BBS5: variants seen among roughly 807,000 people sequenced by gnomAD.
The protein encoded by BBS5 is BBSome complex member BBS5.
BBS5 carries 39 observed loss-of-function variants against 50.2 expected under a neutral mutation model. The observed-to-expected ratio is 0.78, with a 90% CI of 0.60 to 1.01. BBS5 has a LOEUF of 1.01. Among genes scored for constraint, BBS5 ranks in the 50% least tolerant of loss-of-function variants. BBS5 has a pLI of 0.00. For missense variants in BBS5, 356 were observed against 401.5 expected, an observed-to-expected ratio of 0.89 and a Z score of 0.97; for synonymous variants, 134 against 133.1, an observed-to-expected ratio of 1.01 and a Z score of -0.05.
At chr2:169,500,516 T>A (rs1375595093) in intron 9 of BBS5, among the ~76,000 whole-genome samples, 3 of 152,238 alleles carry the variant, frequency 2.0e-5, no homozygotes, top group Admixed American at 2.0e-4. Context: ...GTTCTTTTAC[T>A]GGCACCCTCA....
intron 1 of BBS5, among the ~76,000 whole-genome samples, chr2:169,481,254 T>G (rs1193408355): frequency 6.6e-6 from 1 of 152,188 alleles, no homozygotes; most frequent in African/African-American, 2.4e-5. Flanking sequence ...GTGAAGTCCT[T>G]GAAGAAGAAT....
At chr2:169,481,313 G>A (rs16856977) in intron 1 of BBS5, among the ~76,000 whole-genome samples, 1 of 152,194 alleles carries the variant, frequency 6.6e-6, no homozygotes, top group African/African-American at 2.4e-5. Flanking sequence ...GCAGAGCCTT[G>A]TCAGGGTAGA....
intron 1 of BBS5, among the ~76,000 whole-genome samples, chr2:169,480,347 G>A (rs1683367355): frequency 6.6e-6 from 1 of 152,152 alleles, no homozygotes; most frequent in Non-Finnish European, 1.5e-5. Flanking sequence ...ACTAAGTGTT[G>A]AGAAACGCTA....
chr2:169,504,160 T>C (rs374085442), intron 10 of BBS5, 143 bp from the exon 11 acceptor site: 24 of 755,576 alleles, frequency 3.2e-5, no homozygotes, highest in East Asian at 2.3e-4. Context: ...ATTGTAGAGA[T>C]AGGTGAAAAA....
intron 9 of BBS5, 131 bp downstream of exon 9, chr2:169,499,751 AG>A (rs1454929088): frequency 3.3e-5 from 31 of 929,858 alleles, no homozygotes; most frequent in Middle Eastern, 3.1e-4. Context: ...ATTCTGCTCA[AG>A]TGGGCATAGC....
chr2:169,490,503 A>C (rs977862922), intron 5 of BBS5, among the ~76,000 whole-genome samples: 1 of 152,192 alleles, frequency 6.6e-6, no homozygotes, highest in Admixed American at 6.5e-5. Flanking sequence ...GGCGTGAGCC[A>C]CCGCACCCAG....
At chr2:169,486,301 A>C (rs1412705706) in intron 2 of BBS5, among the ~76,000 whole-genome samples, 1 of 152,278 alleles carries the variant, frequency 6.6e-6, no homozygotes, top group African/African-American at 2.4e-5. Flanking sequence ...GTGTTTAAAC[A>C]AAGTGAGTCT....
chr2:169,505,505 GT>G lies in BBS5; in HGVS notation c.*924del, dbSNP rs1222494364. ...GCCCGGCCGCCATCCCATCTAGGAA[GT>G]GAGGAGCGCCTCTTCCCACCCGCCA... On this transcript the variant is annotated 3_prime_UTR_variant, in exon 12 of 12. Coordinates refer to ENST00000295240, the MANE Select transcript of BBS5 (RefSeq NM_152384.3). 3.5e-6 allele frequency: 1 copy of G among 289,306 alleles called. No homozygotes were observed. The highest frequency in any genetic ancestry group is 2.3e-5 in the African/African-American group (1 of 43,178). 17.9% of individuals were successfully genotyped at this position (289,306 alleles called of 1,614,324 possible).
intron 3 of BBS5, 39 bp downstream of exon 3, chr2:169,487,173 C>G (rs769712941): frequency 7.0e-7 from 1 of 1,435,154 alleles, no homozygotes; most frequent in South Asian, 1.1e-5. Flanking sequence ...GAAAAAAAAT[C>G]CTTTGTCAGG....
chr2:169,496,022 G>A (rs1425746556), intron 7 of BBS5, among the ~76,000 whole-genome samples: 9 of 152,152 alleles, frequency 5.9e-5, no homozygotes, highest in African/African-American at 1.4e-4. Flanking sequence ...CCAGGTTTTC[G>A]TAACAATTAT....
intron 7 of BBS5, among the ~76,000 whole-genome samples, chr2:169,494,452 T>G (rs1044028438): frequency 5.9e-5 from 9 of 152,052 alleles, no homozygotes; most frequent in Admixed American, 6.6e-5. Flanking sequence ...CATGGTGGCT[T>G]ATTCCTGTAA....
Position 169,504,309 on chromosome 2 carries a change from T to G in BBS5, c.907T>G (p.Phe303Val). 1.2e-6 allele frequency: 2 copies of G among 1,613,198 alleles called. No homozygotes were observed. The highest frequency in any genetic ancestry group is 1.7e-5 in the Admixed American group (1 of 60,032). ...AATTTTCTTTGTCTTACAGGCTTAT[T>G]TTGCTGATGGCAATAAGGTAAGGAC... ...DGHTDAFVAY[F>V]ADGNKQQDRE... Residue 303 changes from phenylalanine to valine, a missense_variant, in exon 11 of 12, where the codon TTT becomes GTT. Phe to Val is a conservative substitution (Grantham distance 50). Coordinates refer to ENST00000295240, the MANE Select transcript of BBS5 (RefSeq NM_152384.3).
chr2:169,490,985 T>C (rs1683586568), intron 5 of BBS5, among the ~76,000 whole-genome samples: 1 of 152,224 alleles, frequency 6.6e-6, no homozygotes, highest in Non-Finnish European at 1.5e-5. Context: ...CATGTATCAG[T>C]AGTAGTAGTA....
intron 7 of BBS5, 25 bp from the exon 8 acceptor site, chr2:169,497,601 GT>G: frequency 1.4e-6 from 2 of 1,415,394 alleles, no homozygotes; most frequent in Non-Finnish European, 2.0e-6. Context: ...AAACTTGCAT[GT>G]TTTTCTTTTT....
chr2:169,492,564 G>C (rs1247233949), intron 5 of BBS5, among the ~76,000 whole-genome samples: 1 of 151,594 alleles, frequency 6.6e-6, no homozygotes, highest in Non-Finnish European at 1.5e-5. Context: ...ACAAAAAACT[G>C]TAATTGCCAG....
rs561380122 is a variant in BBS5 at position 169,500,052 on chromosome 2, C to T, written c.816+432C>T. Among the ~76,000 whole-genome samples, 3 of 152,338 alleles carry T rather than the reference C, an allele frequency of 2.0e-5. No homozygotes were observed. In the East Asian group the frequency reaches 5.8e-4, roughly 29 times the overall value. ...TAGGCTACATCAGCACGGCCTGCAT[C>T]CATTCCTGTTGATCTGTACCTCTGC... On this transcript the variant is annotated intron_variant, in intron 9 of 11. Coordinates refer to ENST00000295240, the MANE Select transcript of BBS5 (RefSeq NM_152384.3).
rs761248580 is a variant in BBS5, at chr2:169,504,588, C to T, written c.*6C>T. 4.4e-6 allele frequency: 7 copies of T among 1,589,586 alleles called. No homozygotes were observed. Among genetic ancestry groups the T allele is most frequent in the Non-Finnish European group, 6.0e-6 (7 of 1,157,784 alleles). On this transcript the variant is annotated 3_prime_UTR_variant, in exon 12 of 12. Transcript: ENST00000295240. ...TTTGGGAAGTAATGAGTTGATTGAC[C>T]TTGAGTTGAGATGGATTTCTATTAA... is the stretch of plus-strand genomic sequence containing the variant.
Position 169,488,027 on chromosome 2 carries a change from A to G in BBS5, c.299A>G (p.Lys100Arg). 1 of 1,613,774 alleles carries G rather than the reference A, an allele frequency of 6.2e-7. No homozygotes were observed. The highest frequency in any genetic ancestry group is 8.5e-7 in the Non-Finnish European group (1 of 1,179,734). The change falls in exon 5 of 12, where the codon AAA (lysine) becomes AGA (arginine). Residue 100 changes from lysine to arginine, a missense_variant. By Grantham distance (26) the Lys-to-Arg change is conservative. Transcript: ENST00000295240. ...ACTGAAGCTCTCTATATACTAACAA[A>G]ATGTAACAGTACTCGTTTTGAATTT... The part of the protein sequence containing the change: ...GQTEALYILT[K>R]CNSTRFEFIF...
intron 10 of BBS5, among the ~76,000 whole-genome samples, 163 bp downstream of exon 10, chr2:169,503,341 G>A (rs1261167485): frequency 1.3e-5 from 2 of 152,130 alleles, no homozygotes; most frequent in Non-Finnish European, 2.9e-5. Flanking sequence ...CTTTTGTGAC[G>A]ATAACTTTTA....
Sources: gnomAD v4.1 joint callset for allele counts (sites outside exome capture counted in the v4.1 genomes callset) on GRCh38, gnomAD v4.1.1 for gene constraint, MANE v1.5 for transcripts, NCBI Gene and HGNC (gene_info 2026-07-23, HGNC 2026-07-21) for gene names.